KSR2: variants seen among roughly 807,000 people sequenced by gnomAD.
KSR2 encodes the protein kinase suppressor of ras 2.
Under a neutral mutation model 107.8 loss-of-function variants are expected in KSR2, and 25 were observed. The ratio of observed to expected loss-of-function variants is 0.23; its 90% CI spans 0.17 to 0.32. The LOEUF is 0.32. Ranked by LOEUF, KSR2 falls within the 10% of genes least tolerant of loss-of-function variation. KSR2 has a pLI of 1.00. For missense variants in KSR2, 887 were observed against 1,268.9 expected, an observed-to-expected ratio of 0.70 and a Z score of 4.57; for synonymous variants, 480 against 507.0, an observed-to-expected ratio of 0.95 and a Z score of 0.71.
chr12:117,454,389 C>T lies in KSR2; in HGVS notation c.*12810G>A, dbSNP rs1040730158. The T allele has an allele frequency of 1.3e-5, 2 of 152,350 alleles. No individual in the cohort carries two copies. The highest frequency in any genetic ancestry group is 4.8e-5 in the African/African-American group (2 of 41,584). The allele number at this position is 152,350 out of a possible 1,614,324, so 9.4% of individuals were successfully genotyped here. On this transcript the variant is annotated 3_prime_UTR_variant, in exon 20 of 20. Transcript: ENST00000339824. ...AGTCAAGTTGAAGCAGATAAACAAG[C>T]CTCGCTAATTTGCAGTAGCCACATA...
chr12:117,569,335 A>C (rs1565904778), intron 7 of KSR2, among the ~76,000 whole-genome samples: 5 of 152,188 alleles, frequency 3.3e-5, no homozygotes, highest in Non-Finnish European at 1.5e-5. Context: ...GTCAATTGAG[A>C]AGTGCATGGC....
In KSR2 at chr12:117,480,549, C is replaced by A. The variant is rs147142398; in HGVS notation, c.2450+3867G>T. Among the ~76,000 whole-genome samples the A allele has an allele frequency of 8.5e-5, 13 of 152,230 alleles. No homozygotes were observed. In the East Asian group the frequency reaches 2.3e-3, roughly 27 times the overall value. On this transcript the variant is annotated intron_variant, in intron 16 of 19. Transcript: ENST00000339824. ...GGATGCTGGGGTCTGTCTGGATGTG[C>A]AGAACACACTCACATCACTGGGCTG...
chr12:117,911,906 G>T (rs1895028984), intron 1 of KSR2, among the ~76,000 whole-genome samples: 2 of 152,196 alleles, frequency 1.3e-5, no homozygotes, highest in African/African-American at 4.8e-5. Context: ...AGAACCACTT[G>T]CCCTGGGCCT....
At chr12:117,627,314 G>T (rs1369271105) in intron 5 of KSR2, among the ~76,000 whole-genome samples, 2 of 152,086 alleles carry the variant, frequency 1.3e-5, no homozygotes, top group Admixed American at 1.3e-4. Context: ...TTTATAATTT[G>T]GCATGTTTTT....
chr12:117,941,170 A>G (rs1895993563), intron 1 of KSR2, among the ~76,000 whole-genome samples: 1 of 152,114 alleles, frequency 6.6e-6, no homozygotes, highest in African/African-American at 2.4e-5. Flanking sequence ...TCCAAATCCT[A>G]TTCATTGCCA....
At chr12:117,794,593 A>G (rs2136999374) in intron 3 of KSR2, among the ~76,000 whole-genome samples, 1 of 150,466 alleles carries the variant, frequency 6.6e-6, no homozygotes, top group South Asian at 2.1e-4. Flanking sequence ...ATCAACATGC[A>G]CACTCACACC....
chr12:117,733,787 G>C (rs1057018909), intron 4 of KSR2, among the ~76,000 whole-genome samples: 3 of 151,064 alleles, frequency 2.0e-5, no homozygotes, highest in African/African-American at 7.4e-5. Context: ...TCTAGACTCT[G>C]AGCTCCTTAC....
At chr12:117,743,198 A>G (rs1298426515) in intron 4 of KSR2, among the ~76,000 whole-genome samples, 3 of 152,222 alleles carry the variant, frequency 2.0e-5, no homozygotes, top group East Asian at 3.8e-4. Flanking sequence ...AGAACTCTTC[A>G]TTACACCGTT....
In KSR2 at chr12:117,797,652, AT is replaced by A. The variant is rs56721207; in HGVS notation, c.473-36129del. The stretch of plus-strand genomic sequence containing the variant: ...TTTATATTATATAAATTTCACCTCA[AT>A]TTTTTTTTTTTTGACATAGGGTCCT... On this transcript the variant is annotated intron_variant, in intron 3 of 19. Coordinates refer to ENST00000339824, the MANE Select transcript of KSR2 (RefSeq NM_173598.6). 1.1e-3 allele frequency among the ~76,000 whole-genome samples: 158 copies of A among 148,612 alleles called. 1 individual carries two copies. The highest frequency in any genetic ancestry group is 2.8e-3 in the East Asian group (14 of 5,060).
chr12:117,638,595 T>C (rs943593364), intron 5 of KSR2, among the ~76,000 whole-genome samples: 2 of 151,784 alleles, frequency 1.3e-5, no homozygotes, highest in Admixed American at 6.6e-5. Flanking sequence ...TTAAAAGATA[T>C]ACTATTTAGG....
chr12:117,772,275 GCA>G (rs199776362), intron 3 of KSR2, among the ~76,000 whole-genome samples: 2,739 of 66,336 alleles, frequency 0.041, 73 homozygotes, highest in Non-Finnish European at 0.052. Flanking sequence ...CCCCAAAGAC[GCA>G]CACACACTCA....
intron 5 of KSR2, among the ~76,000 whole-genome samples, chr12:117,604,545 C>T (rs181141716): frequency 2.6e-5 from 4 of 152,090 alleles, no homozygotes; most frequent in Non-Finnish European, 4.4e-5. Flanking sequence ...ATCTCAATGC[C>T]TAAGAGTTAG....
At chr12:117,787,134 G>A (rs957577578) in intron 3 of KSR2, among the ~76,000 whole-genome samples, 1 of 152,012 alleles carries the variant, frequency 6.6e-6, no homozygotes, top group African/African-American at 2.4e-5. Context: ...CTCTGCCACT[G>A]CCTGTCCACT....
At chr12:117,950,863 G>C (rs1040386091) in intron 1 of KSR2, among the ~76,000 whole-genome samples, 1 of 151,654 alleles carries the variant, frequency 6.6e-6, no homozygotes, top group Non-Finnish European at 1.5e-5. Flanking sequence ...TATTAGGTAA[G>C]TGTGAGAGTA....
intron 3 of KSR2, among the ~76,000 whole-genome samples, chr12:117,765,120 A>G (rs1969121): frequency 0.53 from 80,413 of 152,146 alleles, 23,875 homozygotes; most frequent in African/African-American, 0.8. Flanking sequence ...TCTAAGAGCC[A>G]GAACAGAACA....
intron 9 of KSR2, among the ~76,000 whole-genome samples, 195 bp downstream of exon 9, chr12:117,554,974 T>A (rs1312011111): frequency 6.6e-6 from 1 of 152,154 alleles, no homozygotes; most frequent in Non-Finnish European, 1.5e-5. Context: ...CTAAATAAGA[T>A]TTCTGGCACA....
intron 1 of KSR2, among the ~76,000 whole-genome samples, chr12:117,894,772 C>T (rs116514962): frequency 0.017 from 2,489 of 146,998 alleles, 64 homozygotes; most frequent in African/African-American, 0.058. Flanking sequence ...ACTCTGGCCA[C>T]GTGAAGACCA....
intron 3 of KSR2, among the ~76,000 whole-genome samples, chr12:117,784,630 G>T (rs1464788711): frequency 6.6e-6 from 1 of 152,076 alleles, no homozygotes; most frequent in East Asian, 1.9e-4. Context: ...TGCACCCATG[G>T]GTTTTTTTCT....
chr12:117,906,075 G>A (rs940350624), intron 1 of KSR2, among the ~76,000 whole-genome samples: 1 of 152,158 alleles, frequency 6.6e-6, no homozygotes, highest in Non-Finnish European at 1.5e-5. Flanking sequence ...TGCCAGCCGG[G>A]TACAGTGGCT....
Sources: allele counts gnomAD v4.1 joint callset (sites outside exome capture counted in the v4.1 genomes callset), GRCh38; gene constraint gnomAD v4.1.1; transcripts MANE v1.5; gene names NCBI Gene and HGNC (gene_info 2026-07-23, HGNC 2026-07-21).